The following COL5A2 variants were observed in gnomAD, a reference collection of about 807,000 sequenced individuals.
COL5A2 encodes the protein collagen type V alpha 2 chain, also known as collagen alpha-2(V) chain.
A neutral mutation model predicts 208.2 loss-of-function variants in COL5A2; 23 were observed. The ratio of observed to expected loss-of-function variants is 0.11; its 90% CI spans 0.08 to 0.16. The LOEUF is 0.16. COL5A2 is among the 10% of genes least tolerant of loss of function. The pLI, the probability that COL5A2 is intolerant of heterozygous loss-of-function variation, is 1.00. For synonymous variants in COL5A2, 625 were observed against 628.5 expected, an observed-to-expected ratio of 0.99 and a Z score of 0.08; for missense variants, 1,590 against 1,956.4, an observed-to-expected ratio of 0.81 and a Z score of 3.53.
chr2:189,206,768 C>T (rs1448670051), intron 1 of COL5A2, among the ~76,000 whole-genome samples: 3 of 152,124 alleles, frequency 2.0e-5, no homozygotes, highest in Non-Finnish European at 4.4e-5. Context: ...CCACAGAGGA[C>T]AGCAGGATTG....
chr2:189,105,032 A>T (rs1225126231), intron 2 of COL5A2, among the ~76,000 whole-genome samples: 1 of 151,676 alleles, frequency 6.6e-6, no homozygotes, highest in East Asian at 1.9e-4. Flanking sequence ...TATCACTAGG[A>T]TGTACTTTAT....
the COL5A2 span, among the ~76,000 whole-genome samples, chr2:189,435,405 G>A: frequency 2.0e-5 from 3 of 151,974 alleles, no homozygotes; most frequent in Non-Finnish European, 4.4e-5. Context: ...CAGAATGGGA[G>A]AAAATTTTTG....
At chr2:189,199,530 A>G (rs1255516989) in intron 1 of COL5A2, among the ~76,000 whole-genome samples, 2 of 152,138 alleles carry the variant, frequency 1.3e-5, no homozygotes, top group African/African-American at 4.8e-5. Context: ...AAGCAAACAG[A>G]TGTTTATAAC....
the COL5A2 span, among the ~76,000 whole-genome samples, chr2:189,339,840 G>A: frequency 1.3e-5 from 2 of 152,108 alleles, no homozygotes; most frequent in Non-Finnish European, 2.9e-5. Flanking sequence ...GAGGCCTGAT[G>A]GTTGATTTTT....
chr2:189,319,833 G>A, the COL5A2 span, among the ~76,000 whole-genome samples: 1 of 152,188 alleles, frequency 6.6e-6, no homozygotes, highest in African/African-American at 2.4e-5. Context: ...TTCCAGCACA[G>A]AGTTTGAGAT....
the COL5A2 span, among the ~76,000 whole-genome samples, chr2:189,350,672 G>A: frequency 2.6e-5 from 4 of 152,240 alleles, no homozygotes; most frequent in Admixed American, 1.3e-4. Context: ...ACTTTCAGCC[G>A]GGCCAAGAGA....
At chr2:189,064,184 T>A (rs1686095673) in intron 25 of COL5A2, 151 bp from the exon 26 acceptor site, 1 of 661,214 alleles carries the variant, frequency 1.5e-6, no homozygotes, top group African/African-American at 1.8e-5. Flanking sequence ...TTGTTAAAAT[T>A]TTTCAGAATT....
At chr2:189,296,264 C>T in the COL5A2 span, among the ~76,000 whole-genome samples, 96 of 152,054 alleles carry the variant, frequency 6.3e-4, no homozygotes, top group South Asian at 6.9e-3. Context: ...TTTTTTTATT[C>T]TAGGACTTCT....
chr2:189,386,474 G>C, the COL5A2 span, among the ~76,000 whole-genome samples: 2 of 151,904 alleles, frequency 1.3e-5, no homozygotes, highest in African/African-American at 4.8e-5. Context: ...ACAAAAATTG[G>C]TAAGTGGGAC....
chr2:189,287,309 C>A, the COL5A2 span, among the ~76,000 whole-genome samples: 1 of 151,536 alleles, frequency 6.6e-6, no homozygotes, highest in African/African-American at 2.4e-5. Flanking sequence ...TTACAAAAAG[C>A]CTAATGAATG....
the COL5A2 span, among the ~76,000 whole-genome samples, chr2:189,419,359 A>G: frequency 6.6e-6 from 1 of 152,216 alleles, no homozygotes. Flanking sequence ...GAAAGAATAC[A>G]ATCATTAGTT....
At position 189,045,236 on chromosome 2, in the gene COL5A2, A is replaced by G; in HGVS notation, c.3310-4T>C. 1.2e-6 allele frequency: 2 copies of G among 1,606,144 alleles called. No individual in the cohort carries two copies. The highest frequency in any genetic ancestry group is 1.7e-6 in the Non-Finnish European group (2 of 1,175,588). ...GTCCTATAGGACCCCGAGAACCCTAAAAGAAATTTACAACAAAAAAAATTG... is the reference window on the plus strand; with the variant it reads ...GTCCTATAGGACCCCGAGAACCCTAGAAGAAATTTACAACAAAAAAAATTG... On this transcript the variant is annotated splice_region_variant and splice_polypyrimidine_tract_variant and intron_variant, in intron 46 of 53. Coordinates refer to ENST00000374866, the MANE Select transcript of COL5A2 (RefSeq NM_000393.5).
the COL5A2 span, among the ~76,000 whole-genome samples, chr2:189,381,594 C>A: frequency 6.6e-6 from 1 of 151,786 alleles, no homozygotes; most frequent in Admixed American, 6.6e-5. Context: ...AATAATAATT[C>A]TACAACATTC....
chr2:189,364,822 C>T, the COL5A2 span, among the ~76,000 whole-genome samples: 1 of 152,124 alleles, frequency 6.6e-6, no homozygotes, highest in Admixed American at 6.6e-5. Context: ...AAAATAGAGT[C>T]TGAGAACAGA....
chr2:189,438,535 A>T, the COL5A2 span, among the ~76,000 whole-genome samples: 1 of 152,234 alleles, frequency 6.6e-6, no homozygotes, highest in South Asian at 2.1e-4. Flanking sequence ...TGATGCACAT[A>T]ACATAAATGC....
intron 1 of COL5A2, among the ~76,000 whole-genome samples, chr2:189,187,651 A>C (rs1281868912): frequency 6.6e-6 from 1 of 152,190 alleles, no homozygotes; most frequent in Non-Finnish European, 1.5e-5. Flanking sequence ...TTCTTCTAAA[A>C]AACATATAAT....
At chr2:189,317,026 C>T in the COL5A2 span, among the ~76,000 whole-genome samples, 83 of 152,016 alleles carry the variant, frequency 5.5e-4, 1 homozygote, top group East Asian at 7.1e-3. Context: ...CTACTATGTA[C>T]CCACAAAAAT....
the COL5A2 span, among the ~76,000 whole-genome samples, chr2:189,365,848 A>G: frequency 1.3e-5 from 2 of 152,214 alleles, no homozygotes; most frequent in African/African-American, 4.8e-5. Context: ...TGACCAGTAA[A>G]GGTGAAAAAG....
chr2:189,240,962 A>C, the COL5A2 span, among the ~76,000 whole-genome samples: 1 of 152,178 alleles, frequency 6.6e-6, no homozygotes. Flanking sequence ...ACTCATTGGG[A>C]TTTGTTCCCA....
Sources: allele counts gnomAD v4.1 joint callset (sites outside exome capture counted in the v4.1 genomes callset), GRCh38; gene constraint gnomAD v4.1.1; transcripts MANE v1.5; gene names NCBI Gene and HGNC (gene_info 2026-07-23, HGNC 2026-07-21).